The following TENT4A variants were observed in gnomAD, a reference collection of about 807,000 sequenced individuals.
TENT4A encodes the protein DNA polymerase kappa.
TENT4A carries 7 observed loss-of-function variants against 72.8 expected under a neutral mutation model. The ratio of observed to expected loss-of-function variants is 0.10; its 90% confidence interval spans 0.05 to 0.18. The LOEUF is 0.18. TENT4A is among the 10% of genes least tolerant of loss of function. TENT4A has a pLI of 1.00. For synonymous variants in TENT4A, 456 were observed against 434.3 expected (o/e 1.05, Z -0.62); for missense variants, 831 against 1,017.7 (o/e 0.82, Z 2.50).
chr5:6,730,761 A>G (rs1025022259), intron 1 of TENT4A, among the ~76,000 whole-genome samples: 3 of 151,950 alleles, frequency 2.0e-5, no homozygotes, highest in African/African-American at 7.2e-5. Context: ...AATTTAAAAA[A>G]AAAAAAAAAA....
chr5:6,716,976 C>T (rs766942091), intron 1 of TENT4A, among the ~76,000 whole-genome samples: 10 of 152,224 alleles, frequency 6.6e-5, no homozygotes, highest in Admixed American at 2.0e-4. Context: ...TGCTCTGTGC[C>T]CAGAAGGGCA....
At chr5:6,716,350 A>G (rs1401567801) in intron 1 of TENT4A, among the ~76,000 whole-genome samples, 2 of 152,182 alleles carry the variant, frequency 1.3e-5, no homozygotes, top group African/African-American at 4.8e-5. Flanking sequence ...AGAGCACAAG[A>G]GTACCCTGCT....
chr5:6,724,682 T>C (rs944048851), intron 1 of TENT4A, among the ~76,000 whole-genome samples: 3 of 152,206 alleles, frequency 2.0e-5, no homozygotes, highest in Admixed American at 6.5e-5. Context: ...GGATTGGTTT[T>C]AGAATAAAAT....
Position 6,753,012 on chromosome 5 carries a change from T to G in TENT4A, c.2159T>G (p.Leu720Arg). Residue 720 changes from leucine (L) to arginine (R), a missense_variant, in exon 12 of 13, where the codon CTC (leucine) becomes CGC (arginine). This residue lies in a region of TENT4A where 332 missense variants were observed against 324.3 expected (regional missense o/e 1.02). Transcript: ENST00000230859. ...PAIPSASPNP[L>R]SSPHLYHKQH... is the part of the protein sequence containing the mutation. Reference sequence around the variant, plus strand: ...ATTCCCTCAGCGTCCCCCAACCCGCTCTCGAGCCCTCATCTGTATCATAAG... The same window carrying G: ...ATTCCCTCAGCGTCCCCCAACCCGCGCTCGAGCCCTCATCTGTATCATAAG... The G allele has an allele frequency of 1.2e-6, 2 of 1,614,156 alleles. No individual in the cohort carries two copies. The highest frequency in any genetic ancestry group is 1.7e-6 in the Non-Finnish European group (2 of 1,180,016).
At chr5:6,740,413 A>G (rs1372360226) in intron 4 of TENT4A, among the ~76,000 whole-genome samples, 1 of 152,218 alleles carries the variant, frequency 6.6e-6, no homozygotes, top group Non-Finnish European at 1.5e-5. Context: ...CCCAGGGACT[A>G]TGAGGTACTT....
intron 1 of TENT4A, among the ~76,000 whole-genome samples, chr5:6,729,765 G>T (rs1239903315): frequency 1.3e-5 from 2 of 152,128 alleles, no homozygotes; most frequent in African/African-American, 4.8e-5. Flanking sequence ...CCCCTTGGTG[G>T]TTTTTTTGTG....
intron 1 of TENT4A, among the ~76,000 whole-genome samples, chr5:6,731,746 AT>A (rs1561032544): frequency 6.6e-6 from 1 of 151,992 alleles, no homozygotes. Flanking sequence ...GGGCATGTTC[AT>A]TTTCGTGACG....
intron 1 of TENT4A, among the ~76,000 whole-genome samples, chr5:6,715,836 A>G (rs1329063328): frequency 2.0e-5 from 3 of 152,190 alleles, no homozygotes; most frequent in Non-Finnish European, 4.4e-5. Flanking sequence ...GATACCTTCT[A>G]AATTTCCCGA....
intron 5 of TENT4A, 107 bp downstream of exon 5, chr5:6,742,704 G>A (rs992303729): frequency 3.2e-5 from 22 of 695,808 alleles, no homozygotes; most frequent in African/African-American, 2.3e-4. Flanking sequence ...CAAGTCTTTC[G>A]TAACACAGAC....
rs555134528 is a variant in TENT4A, at chr5:6,750,787, T to C, written c.1861-252T>C. 7.9e-5 allele frequency: 43 copies of C among 543,598 alleles called. No homozygotes were observed. In the African/African-American group the frequency reaches 8.1e-4, roughly 10 times the overall value. The allele number at this position is 543,598 out of a possible 1,614,324, so 33.7% of individuals were successfully genotyped here. On this transcript the variant is annotated intron_variant, in intron 10 of 12. Transcript: ENST00000230859. ...CTTCCTTGAGTAGTTTTTAAAAATT[T>C]ATTTGAAGATTAAAAAAAAAATTAA...
At chr5:6,752,721 A>G (rs1207925936) in intron 11 of TENT4A, 152 bp from the exon 12 acceptor site, 1 of 601,498 alleles carries the variant, frequency 1.7e-6, no homozygotes, top group Non-Finnish European at 3.0e-6. Context: ...AAAGCACAAT[A>G]TTGTTAGGTA....
chr5:6,728,844 A>G (rs1741069279), intron 1 of TENT4A, among the ~76,000 whole-genome samples: 1 of 152,260 alleles, frequency 6.6e-6, no homozygotes, highest in Non-Finnish European at 1.5e-5. Flanking sequence ...AGCAATGATG[A>G]CTTATTGAAG....
chr5:6,732,637 C>T (rs1363819826), intron 1 of TENT4A, among the ~76,000 whole-genome samples: 1 of 152,154 alleles, frequency 6.6e-6, no homozygotes, highest in Non-Finnish European at 1.5e-5. Context: ...TGTTGTTTTT[C>T]AATGAACTTT....
In TENT4A at chr5:6,725,182, G is replaced by A. The variant is rs570687967; in HGVS notation, c.716+10483G>A. Among the ~76,000 whole-genome samples, 44 of 152,276 alleles carry A rather than the reference G, an allele frequency of 2.9e-4. No homozygotes were observed. The South Asian group carries it at 8.3e-3, about 29-fold the overall frequency. ...TAAAAATACAAAAAATTATCCGGGC[G>A]TGATGGCACGCACCTGTAGTCCCAG... On this transcript the variant is annotated intron_variant, in intron 1 of 12. Transcript: ENST00000230859.
intron 1 of TENT4A, among the ~76,000 whole-genome samples, chr5:6,736,619 T>C (rs2126630963): frequency 6.6e-6 from 1 of 152,358 alleles, no homozygotes; most frequent in East Asian, 1.9e-4. Flanking sequence ...CCTGCAGTCA[T>C]CTGTGTAGGC....
chr5:6,724,626 G>C (rs1383729197), intron 1 of TENT4A, among the ~76,000 whole-genome samples: 1 of 152,186 alleles, frequency 6.6e-6, no homozygotes, highest in African/African-American at 2.4e-5. Flanking sequence ...TGAAAGCATG[G>C]AATGAACTGA....
intron 1 of TENT4A, among the ~76,000 whole-genome samples, chr5:6,728,387 C>G (rs549989670): frequency 1.3e-5 from 2 of 152,244 alleles, no homozygotes; most frequent in African/African-American, 4.8e-5. Context: ...CCTCTGAGAG[C>G]TGGCATGATG....
At chr5:6,717,520 T>C (rs1740447039) in intron 1 of TENT4A, among the ~76,000 whole-genome samples, 3 of 152,256 alleles carry the variant, frequency 2.0e-5, no homozygotes, top group Admixed American at 2.0e-4. Flanking sequence ...AGACTGCCAG[T>C]CTGCCTTCTG....
intron 1 of TENT4A, among the ~76,000 whole-genome samples, chr5:6,733,289 A>C (rs901744498): frequency 3.3e-5 from 5 of 152,238 alleles, no homozygotes; most frequent in African/African-American, 9.6e-5. Flanking sequence ...GAGGATGGTC[A>C]GGCCGCCTCT....
Sources: allele counts gnomAD v4.1 joint callset (sites outside exome capture counted in the v4.1 genomes callset), GRCh38; gene constraint gnomAD v4.1.1; regional missense constraint gnomAD v4.1.1; transcripts MANE v1.5; gene names NCBI Gene and HGNC (gene_info 2026-07-23, HGNC 2026-07-21).